Variants in DOCK1 observed in about 807,000 individuals in gnomAD.
The protein encoded by DOCK1 is dedicator of cytokinesis 1, also known as dedicator of cytokinesis protein 1.
A neutral mutation model predicts 262.7 loss-of-function variants in DOCK1; 138 were observed. The ratio of observed to expected loss-of-function variants is 0.53; its 90% CI spans 0.46 to 0.61. The LOEUF is 0.61. Ranked by LOEUF, DOCK1 falls within the 20% of genes least tolerant of loss-of-function variation. The pLI is 0.00. For missense variants in DOCK1, 1,908 were observed against 2,370.7 expected, an observed-to-expected ratio of 0.80 and a Z score of 4.05; for synonymous variants, 866 against 867.4, an observed-to-expected ratio of 1.00 and a Z score of 0.03.
At chr10:127,009,598 G>T (rs1207214299) in intron 11 of DOCK1, among the ~76,000 whole-genome samples, 2 of 152,140 alleles carry the variant, frequency 1.3e-5, no homozygotes, top group Non-Finnish European at 2.9e-5. Context: ...GGGTGGCGAT[G>T]TTAGGGGAGA....
At chr10:126,940,910 A>G (rs891535791) in intron 1 of DOCK1, among the ~76,000 whole-genome samples, 21 of 152,214 alleles carry the variant, frequency 1.4e-4, no homozygotes, top group African/African-American at 2.4e-4. Context: ...TGACTCTATT[A>G]TATTGCCCTG....
chr10:127,110,829 A>G (rs936522664), intron 25 of DOCK1, among the ~76,000 whole-genome samples: 2 of 152,228 alleles, frequency 1.3e-5, no homozygotes, highest in Admixed American at 1.3e-4. Flanking sequence ...TATCCTGCAG[A>G]ACACTTTATA....
At chr10:127,249,138 C>T (rs1468204664) in intron 28 of DOCK1, among the ~76,000 whole-genome samples, 2 of 152,048 alleles carry the variant, frequency 1.3e-5, no homozygotes, top group East Asian at 3.9e-4. Context: ...ACTAGTGTTT[C>T]TAGAACAGGG....
chr10:127,333,027 G>A (rs1462731167), intron 29 of DOCK1, among the ~76,000 whole-genome samples: 1 of 150,036 alleles, frequency 6.7e-6, no homozygotes, highest in Non-Finnish European at 1.5e-5. Context: ...CTGCAGGGAT[G>A]GAGGAATGTG....
rs11017917 is a variant in DOCK1 at position 127,407,946 on chromosome 10, G to C, written c.4123-1091G>C. Among the ~76,000 whole-genome samples, 1,321 of 152,208 alleles carry C rather than the reference G, an allele frequency of 8.7e-3. 89 individuals carry two copies. The East Asian group carries it at 0.15, about 17-fold the overall frequency. On this transcript the variant is annotated intron_variant, in intron 40 of 51. Coordinates refer to ENST00000623213, the MANE Select transcript of DOCK1 (RefSeq NM_001290223.2). ...CAGCCCCAGATGGGACAGGATGGGTGGGGGGAGGCAGAAGGCTTCCAAAAC... is the reference window on the plus strand; with the variant it reads ...CAGCCCCAGATGGGACAGGATGGGTCGGGGGAGGCAGAAGGCTTCCAAAAC...
chr10:127,144,519 A>G (rs1004881257), intron 27 of DOCK1, among the ~76,000 whole-genome samples: 8 of 152,246 alleles, frequency 5.3e-5, no homozygotes, highest in Non-Finnish European at 1.0e-4. Flanking sequence ...TTGAATTACA[A>G]TAAACTGATG....
chr10:127,285,688 G>T (rs2061125293), intron 29 of DOCK1, among the ~76,000 whole-genome samples: 1 of 152,230 alleles, frequency 6.6e-6, no homozygotes, highest in Non-Finnish European at 1.5e-5. Flanking sequence ...GACCGCCAAG[G>T]TCATGCCATC....
chr10:127,319,622 T>C (rs183812636), intron 29 of DOCK1, among the ~76,000 whole-genome samples: 26 of 152,336 alleles, frequency 1.7e-4, no homozygotes, highest in Admixed American at 1.2e-3. Flanking sequence ...GGAACTGTTA[T>C]ATTGGTGAAT....
At chr10:127,068,549 C>T (rs2046012979) in intron 23 of DOCK1, among the ~76,000 whole-genome samples, 1 of 152,098 alleles carries the variant, frequency 6.6e-6, no homozygotes, top group Non-Finnish European at 1.5e-5. Context: ...TTATTGTGTC[C>T]TTGCCCTCAG....
At chr10:126,905,607 G>C (rs1009914707) in intron 1 of DOCK1, 44 bp downstream of exon 1, 2 of 307,798 alleles carry the variant, frequency 6.5e-6, no homozygotes, top group African/African-American at 2.2e-5. Flanking sequence ...CCAAGCCCAG[G>C]CTCCGGCGGG....
At chr10:127,234,509 A>T (rs1357116389) in intron 27 of DOCK1, among the ~76,000 whole-genome samples, 1 of 152,168 alleles carries the variant, frequency 6.6e-6, no homozygotes, top group Non-Finnish European at 1.5e-5. Context: ...ATGGCATAAA[A>T]ATAGACTTGA....
At chr10:127,142,280 G>A (rs2051337771) in intron 27 of DOCK1, among the ~76,000 whole-genome samples, 1 of 152,208 alleles carries the variant, frequency 6.6e-6, no homozygotes, top group Non-Finnish European at 1.5e-5. Flanking sequence ...TCCAAACCTT[G>A]TTGTGGTTTC....
At chr10:127,064,567 G>A (rs1342312209) in intron 23 of DOCK1, among the ~76,000 whole-genome samples, 1 of 152,158 alleles carries the variant, frequency 6.6e-6, no homozygotes, top group African/African-American at 2.4e-5. Flanking sequence ...AAATGTCCAG[G>A]AAACTCCACT....
intron 23 of DOCK1, among the ~76,000 whole-genome samples, chr10:127,077,397 A>C (rs1347831757): frequency 1.3e-5 from 2 of 152,116 alleles, no homozygotes; most frequent in Non-Finnish European, 2.9e-5. Flanking sequence ...TGTGTCTCAA[A>C]ATAAAAATAA....
chr10:126,921,622 G>C (rs529143635), intron 1 of DOCK1, among the ~76,000 whole-genome samples: 39 of 149,896 alleles, frequency 2.6e-4, no homozygotes, highest in Admixed American at 2.1e-3. Flanking sequence ...AGGAATACTT[G>C]AGGACGGGTG....
At chr10:127,304,624 G>C (rs2135454515) in intron 29 of DOCK1, among the ~76,000 whole-genome samples, 1 of 152,254 alleles carries the variant, frequency 6.6e-6, no homozygotes, top group Non-Finnish European at 1.5e-5. Flanking sequence ...GTTGGCTCAT[G>C]CCTGTAATCT....
chr10:127,151,645 C>T (rs1323014280), intron 27 of DOCK1, among the ~76,000 whole-genome samples: 2 of 152,168 alleles, frequency 1.3e-5, no homozygotes, highest in Non-Finnish European at 2.9e-5. Context: ...TCTGTAAAAT[C>T]ACATCTGCAG....
chr10:127,241,468 C>T (rs949735536), intron 27 of DOCK1, among the ~76,000 whole-genome samples: 3 of 152,074 alleles, frequency 2.0e-5, no homozygotes, highest in Non-Finnish European at 4.4e-5. Context: ...AGGCCCAGTA[C>T]TCTTGCTCAG....
chr10:127,333,576 T>A (rs1326937539), intron 29 of DOCK1, among the ~76,000 whole-genome samples: 1 of 152,200 alleles, frequency 6.6e-6, no homozygotes, highest in Non-Finnish European at 1.5e-5. Context: ...ATAGGCAGCT[T>A]TGGGGGATGA....
Sources: gnomAD v4.1 joint callset for allele counts (sites outside exome capture counted in the v4.1 genomes callset) on GRCh38, gnomAD v4.1.1 for gene constraint, MANE v1.5 for transcripts, NCBI Gene and HGNC (gene_info 2026-07-23, HGNC 2026-07-21) for gene names.